ZCCHC17: variants seen among roughly 807,000 people sequenced by gnomAD.
ZCCHC17 encodes zinc finger CCHC domain-containing protein 17.
Under a neutral mutation model 30.6 loss-of-function variants are expected in ZCCHC17, and 18 were observed. That is an observed-to-expected ratio of 0.59 (90% confidence interval 0.41 to 0.87). The LOEUF (loss-of-function observed/expected upper bound fraction) is 0.87. Among genes scored for constraint, ZCCHC17 ranks in the 40% least tolerant of loss-of-function variants. The pLI is 0.00. For synonymous variants in ZCCHC17, 88 were observed against 92.4 expected (o/e 0.95, Z 0.27); for missense variants, 263 against 284.2 (o/e 0.93, Z 0.54).
At chr1:31,341,273 C>T (rs983197004) in intron 5 of ZCCHC17, among the ~76,000 whole-genome samples, 3 of 152,106 alleles carry the variant, frequency 2.0e-5, no homozygotes, top group African/African-American at 7.2e-5. Context: ...ACTCAGAGTG[C>T]AGAAGTGTTT....
At position 31,297,070 on chromosome 1, in the gene ZCCHC17, C is replaced by A. The variant is rs186036351; in HGVS notation, c.-61C>A. ...CAGCGACTCGGGGACCTGGAGCTGACGCCTAGTACGTATGAGGAAGAACGG... is the reference window on the plus strand; with the variant it reads ...CAGCGACTCGGGGACCTGGAGCTGAAGCCTAGTACGTATGAGGAAGAACGG... On this transcript the variant is annotated 5_prime_UTR_variant, in exon 1 of 8. Coordinates refer to ENST00000344147, the MANE Select transcript of ZCCHC17 (RefSeq NM_016505.4). The A allele has an allele frequency of 2.3e-3, 999 of 436,148 alleles. 6 individuals are homozygous for A. The highest frequency in any genetic ancestry group is 2.5e-3 in the Non-Finnish European group (606 of 246,158). 27.0% of individuals were successfully genotyped at this position (436,148 alleles called of 1,614,324 possible).
chr1:31,349,519 TG>T (rs35968539), intron 7 of ZCCHC17, among the ~76,000 whole-genome samples: 118,857 of 151,922 alleles, frequency 0.78, 46,918 homozygotes, highest in African/African-American at 0.84. Context: ...TTAGTAGAGA[TG>T]GGGGGTTTTG....
intron 1 of ZCCHC17, among the ~76,000 whole-genome samples, chr1:31,309,349 G>A (rs973250926): frequency 3.3e-5 from 5 of 152,146 alleles, no homozygotes; most frequent in African/African-American, 4.8e-5. Context: ...GATGGAGTTC[G>A]CTCTGTTCCT....
Position 31,310,141 on chromosome 1 carries a change from C to G in ZCCHC17, c.43C>G (p.Leu15Val), listed in dbSNP as rs938326757. The G allele has an allele frequency of 7.4e-6, 12 of 1,613,922 alleles. No individual in the cohort carries two copies. Among genetic ancestry groups the G allele is most frequent in the Non-Finnish European group, 9.3e-6 (11 of 1,180,000 alleles). The change falls in exon 2 of 8, where the codon CTC (leucine) becomes GTC (valine). Residue 15 changes from leucine to valine, a missense_variant. Transcript: ENST00000344147. ...TGAGACCATGGAAAACTTGCCTGCT[C>G]TCTACACTATTTTCCAAGGAGAGGT... ...RPETMENLPA[L>V]YTIFQGEVAM...
intron 7 of ZCCHC17, among the ~76,000 whole-genome samples, chr1:31,351,117 C>T (rs1405762043): frequency 6.6e-6 from 1 of 152,104 alleles, no homozygotes; most frequent in East Asian, 1.9e-4. Flanking sequence ...CCACCAAAAC[C>T]CTTGTTTCTA....
intron 1 of ZCCHC17, among the ~76,000 whole-genome samples, chr1:31,302,224 T>A (rs1646330300): frequency 6.6e-6 from 1 of 151,978 alleles, no homozygotes; most frequent in African/African-American, 2.4e-5. Context: ...CGAGACTCCA[T>A]CTTAAAAAAA....
intron 7 of ZCCHC17, among the ~76,000 whole-genome samples, chr1:31,349,471 C>T (rs142126729): frequency 6.1e-4 from 93 of 152,162 alleles, no homozygotes; most frequent in African/African-American, 2.0e-3. Flanking sequence ...GCTGGAACTA[C>T]AGGCATGCGC....
At chr1:31,356,941 C>G (rs1639664101) in intron 7 of ZCCHC17, among the ~76,000 whole-genome samples, 1 of 152,142 alleles carries the variant, frequency 6.6e-6, no homozygotes, top group Admixed American at 6.5e-5. Context: ...TGTAGTGAAT[C>G]CCTGGATAAT....
intron 1 of ZCCHC17, among the ~76,000 whole-genome samples, chr1:31,298,245 G>A (rs1338963503): frequency 6.6e-6 from 1 of 152,152 alleles, no homozygotes; most frequent in African/African-American, 2.4e-5. Flanking sequence ...TGATTTTAGG[G>A]AGTGAAGAGA....
intron 3 of ZCCHC17, among the ~76,000 whole-genome samples, chr1:31,327,418 G>A (rs1638399697): frequency 6.6e-6 from 1 of 152,264 alleles, no homozygotes; most frequent in South Asian, 2.1e-4. Flanking sequence ...ACACTTTACA[G>A]TAGTCCCCAC....
At chr1:31,301,558 A>G (rs1646312324) in intron 1 of ZCCHC17, among the ~76,000 whole-genome samples, 1 of 152,216 alleles carries the variant, frequency 6.6e-6, no homozygotes. Flanking sequence ...GCACTCAAAT[A>G]TTAGCTATTA....
intron 1 of ZCCHC17, among the ~76,000 whole-genome samples, chr1:31,300,511 C>G (rs1231418860): frequency 6.6e-6 from 1 of 152,092 alleles, no homozygotes; most frequent in African/African-American, 2.4e-5. Flanking sequence ...CTGTCCCGGG[C>G]TAGGTTAGAC....
At chr1:31,360,286 C>T (rs1163866960) in intron 7 of ZCCHC17, among the ~76,000 whole-genome samples, 4 of 152,266 alleles carry the variant, frequency 2.6e-5, no homozygotes, top group African/African-American at 9.6e-5. Flanking sequence ...TCTCCTGCCT[C>T]AGCCTCCCGA....
At position 31,339,960 on chromosome 1, in the gene ZCCHC17, C is replaced by CTTTTTTTTT. The variant is rs36008834; in HGVS notation, c.317+928_317+936dup. Reference sequence around the variant, plus strand: ...TCTGTCTCAAGTCTTTCTTGGATTTCTTTTTTTTTTTTTTTTTTTTTTTTG... The same window carrying CTTTTTTTTT: ...TCTGTCTCAAGTCTTTCTTGGATTTCTTTTTTTTTTTTTTTTTTTTTTTTTTTTTTTTTG... On this transcript the variant is annotated intron_variant, in intron 5 of 7. Coordinates refer to ENST00000344147, the MANE Select transcript of ZCCHC17 (RefSeq NM_016505.4). Among the ~76,000 whole-genome samples, 108 of 90,416 alleles carry CTTTTTTTTT rather than the reference C, an allele frequency of 1.2e-3. 10 individuals carry two copies. The highest frequency in any genetic ancestry group is 1.9e-3 in the Non-Finnish European group (84 of 44,906). 59.3% of individuals were successfully genotyped at this position (90,416 alleles called of 152,430 possible). A position where few individuals can be genotyped will look rare whatever the true frequency, so the allele number is the denominator to read the frequency against.
At chr1:31,317,977 G>A (rs562014833) in intron 2 of ZCCHC17, among the ~76,000 whole-genome samples, 15 of 152,282 alleles carry the variant, frequency 9.9e-5, no homozygotes, top group African/African-American at 3.6e-4. Context: ...TTGGACCTCC[G>A]ATATGTTACT....
At chr1:31,311,265 T>C (rs1304429421) in intron 2 of ZCCHC17, among the ~76,000 whole-genome samples, 1 of 152,096 alleles carries the variant, frequency 6.6e-6, no homozygotes, top group East Asian at 1.9e-4. Context: ...TGTTGCTTTC[T>C]CACGGCTCTT....
At chr1:31,298,377 G>T (rs1646219821) in intron 1 of ZCCHC17, among the ~76,000 whole-genome samples, 1 of 145,708 alleles carries the variant, frequency 6.9e-6, no homozygotes, top group East Asian at 2.1e-4. Flanking sequence ...TTAGAGACCA[G>T]TTTTTTTTTG....
chr1:31,305,892 C>T (rs1211446862), intron 1 of ZCCHC17, among the ~76,000 whole-genome samples: 1 of 152,098 alleles, frequency 6.6e-6, no homozygotes. Flanking sequence ...AATTGTAAAC[C>T]TGTTATAGTC....
At chr1:31,312,713 A>AG in intron 2 of ZCCHC17, among the ~76,000 whole-genome samples, 1 of 152,328 alleles carries the variant, frequency 6.6e-6, no homozygotes, top group South Asian at 2.1e-4. Context: ...TTGAAGTGAA[A>AG]GTAAAGCCAA....
Sources: allele counts gnomAD v4.1 joint callset (sites outside exome capture counted in the v4.1 genomes callset), GRCh38; gene constraint gnomAD v4.1.1; transcripts MANE v1.5; gene names NCBI Gene and HGNC (gene_info 2026-07-23, HGNC 2026-07-21).